Variants in CNTNAP2 observed in about 807,000 individuals in gnomAD.
The protein encoded by CNTNAP2 is contactin associated protein 2.
A neutral mutation model predicts 155.2 loss-of-function variants in CNTNAP2; 98 were observed. That is an observed-to-expected ratio of 0.63 (90% confidence interval 0.54 to 0.75). The LOEUF (loss-of-function observed/expected upper bound fraction) is 0.75. Among genes scored for constraint, CNTNAP2 ranks in the 30% least tolerant of loss-of-function variants. The probability of loss-of-function intolerance (pLI) is 0.00; values close to 1 mark genes in which losing one functional copy is unlikely to be tolerated. For synonymous variants in CNTNAP2, 651 were observed against 631.2 expected, an observed-to-expected ratio of 1.03 and a Z score of -0.47; for missense variants, 1,727 against 1,688.1, an observed-to-expected ratio of 1.02 and a Z score of -0.40.
At chr7:147,645,233 C>T (rs1795347654) in intron 13 of CNTNAP2, among the ~76,000 whole-genome samples, 1 of 152,082 alleles carries the variant, frequency 6.6e-6, no homozygotes, top group African/African-American at 2.4e-5. Context: ...GGCATTGTAA[C>T]ATATAATCTA....
chr7:148,283,075 A>T (rs1797000861), intron 21 of CNTNAP2, among the ~76,000 whole-genome samples: 1 of 151,540 alleles, frequency 6.6e-6, no homozygotes, highest in Non-Finnish European at 1.5e-5. Flanking sequence ...TCTCTACTTT[A>T]AAAAACTACA....
At chr7:146,450,969 C>A (rs537928386) in intron 1 of CNTNAP2, among the ~76,000 whole-genome samples, 1 of 105,714 alleles carries the variant, frequency 9.5e-6, no homozygotes, top group East Asian at 2.5e-4. Flanking sequence ...TTATTTGAGA[C>A]GGAGTCTTGC....
chr7:146,698,965 C>T (rs1494452), intron 1 of CNTNAP2, among the ~76,000 whole-genome samples: 127,254 of 152,098 alleles, frequency 0.84, 53,907 homozygotes, highest in South Asian at 0.93. Context: ...CTAGCACTTC[C>T]TTTCAATTCT....
At chr7:147,995,501 G>A (rs1470907345) in intron 15 of CNTNAP2, among the ~76,000 whole-genome samples, 2 of 149,450 alleles carry the variant, frequency 1.3e-5, no homozygotes, top group South Asian at 4.2e-4. Context: ...CTTCCACCTG[G>A]CTTTGTCCTG....
intron 11 of CNTNAP2, among the ~76,000 whole-genome samples, chr7:147,553,220 T>C (rs775674897): frequency 2.6e-5 from 4 of 152,164 alleles, no homozygotes; most frequent in Non-Finnish European, 4.4e-5. Context: ...AGCACGTGTC[T>C]ACCTGCCCTT....
At chr7:146,338,155 G>C (rs6969729) in intron 1 of CNTNAP2, among the ~76,000 whole-genome samples, 20,787 of 152,052 alleles carry the variant, frequency 0.14, 3,598 homozygotes, top group African/African-American at 0.41. Context: ...TTCTGGGGCA[G>C]GCATAGGTAA....
At chr7:146,964,906 C>T (rs886620425) in intron 3 of CNTNAP2, among the ~76,000 whole-genome samples, 4 of 100,440 alleles carry the variant, frequency 4.0e-5, no homozygotes, top group African/African-American at 1.3e-4. Flanking sequence ...CCAGAGTTGA[C>T]CAACCCCTAA....
chr7:148,179,094 C>T (rs143721193), intron 18 of CNTNAP2, among the ~76,000 whole-genome samples: 3 of 152,204 alleles, frequency 2.0e-5, no homozygotes, highest in African/African-American at 7.2e-5. Flanking sequence ...CCCACCATAT[C>T]GGACTGGTTT....
At chr7:146,415,497 T>C (rs934818081) in intron 1 of CNTNAP2, among the ~76,000 whole-genome samples, 7 of 152,192 alleles carry the variant, frequency 4.6e-5, no homozygotes, top group African/African-American at 1.7e-4. Context: ...TATTGGCTTT[T>C]ATTGCCAAAA....
intron 1 of CNTNAP2, among the ~76,000 whole-genome samples, chr7:146,493,232 G>T (rs59465379): frequency 2.0e-5 from 3 of 152,070 alleles, no homozygotes; most frequent in Non-Finnish European, 4.4e-5. Context: ...AGCTCTGTAG[G>T]TTCTGTTCAA....
At chr7:147,970,384 A>G (rs1175456785) in intron 14 of CNTNAP2, among the ~76,000 whole-genome samples, 2 of 152,192 alleles carry the variant, frequency 1.3e-5, no homozygotes, top group Non-Finnish European at 2.9e-5. Context: ...CTTGCTATGG[A>G]AAAAGTACAG....
At chr7:146,907,881 T>C (rs957035100) in intron 3 of CNTNAP2, among the ~76,000 whole-genome samples, 1 of 152,158 alleles carries the variant, frequency 6.6e-6, no homozygotes, top group Non-Finnish European at 1.5e-5. Context: ...TCAAGACCCA[T>C]CAGTGTGCTG....
intron 2 of CNTNAP2, among the ~76,000 whole-genome samples, chr7:146,781,045 G>A (rs1200235259): frequency 6.6e-6 from 1 of 151,942 alleles, no homozygotes; most frequent in Non-Finnish European, 1.5e-5. Context: ...TGGCTAACGT[G>A]GTGAAATCCC....
chr7:147,694,482 C>T (rs1796134183), intron 13 of CNTNAP2, among the ~76,000 whole-genome samples: 2 of 151,970 alleles, frequency 1.3e-5, no homozygotes, highest in Admixed American at 1.3e-4. Flanking sequence ...CTGCTGTTTC[C>T]TGATTTAGAA....
intron 1 of CNTNAP2, among the ~76,000 whole-genome samples, chr7:146,582,066 A>C (rs1244180231): frequency 1.3e-5 from 2 of 152,150 alleles, no homozygotes; most frequent in Non-Finnish European, 2.9e-5. Flanking sequence ...CCTCTAAAGA[A>C]GCCCTTTCTA....
intron 1 of CNTNAP2, among the ~76,000 whole-genome samples, chr7:146,383,945 A>G (rs758816889): frequency 3.3e-5 from 5 of 152,112 alleles, no homozygotes; most frequent in East Asian, 1.9e-4. Flanking sequence ...TAATTTTTTC[A>G]TAGAGAATGG....
intron 21 of CNTNAP2, among the ~76,000 whole-genome samples, chr7:148,322,284 A>C (rs1205357131): frequency 6.6e-6 from 1 of 152,134 alleles, no homozygotes; most frequent in Non-Finnish European, 1.5e-5. Context: ...AAGCCTTGTA[A>C]CCATATGCCA....
At chr7:147,296,167 C>G (rs1016079187) in intron 8 of CNTNAP2, among the ~76,000 whole-genome samples, 1 of 152,118 alleles carries the variant, frequency 6.6e-6, no homozygotes, top group African/African-American at 2.4e-5. Flanking sequence ...GGGGACTGAA[C>G]AAATATCACG....
chr7:146,341,318 G>T (rs566436896), intron 1 of CNTNAP2, among the ~76,000 whole-genome samples: 1 of 152,068 alleles, frequency 6.6e-6, no homozygotes, highest in South Asian at 2.1e-4. Context: ...AAAATTATAG[G>T]TCTTAAATCC....
Sources: allele counts gnomAD v4.1 joint callset (sites outside exome capture counted in the v4.1 genomes callset), GRCh38; gene constraint gnomAD v4.1.1; transcripts MANE v1.5; gene names NCBI Gene and HGNC (gene_info 2026-07-23, HGNC 2026-07-21).